SCAMP1: variants seen among roughly 807,000 people sequenced by gnomAD.
The protein encoded by SCAMP1 is secretory carrier membrane protein 1, also known as secretory carrier-associated membrane protein 1.
Under a neutral mutation model 41.8 loss-of-function variants are expected in SCAMP1, and 15 were observed. The ratio of observed to expected loss-of-function variants is 0.36; its 90% CI spans 0.24 to 0.55. The LOEUF (loss-of-function observed/expected upper bound fraction) is 0.55. SCAMP1 is among the 20% of genes least tolerant of loss of function. The probability of loss-of-function intolerance (pLI) is 0.86; values close to 1 mark genes in which losing one functional copy is unlikely to be tolerated. For synonymous variants in SCAMP1, 135 were observed against 136.8 expected (o/e 0.99, Z 0.09); for missense variants, 341 against 412.6 (o/e 0.83, Z 1.50).
intron 6 of SCAMP1, among the ~76,000 whole-genome samples, chr5:78,443,677 T>G (rs1015405416): frequency 6.9e-6 from 1 of 144,374 alleles, no homozygotes; most frequent in African/African-American, 2.7e-5. Context: ...TTTTTTTTTT[T>G]GAGATAGGAT....
intron 6 of SCAMP1, among the ~76,000 whole-genome samples, chr5:78,422,678 T>C (rs936648142): frequency 3.7e-4 from 56 of 152,200 alleles, no homozygotes; most frequent in African/African-American, 1.4e-3. Context: ...CTAGTATGAT[T>C]TGTGCCTTAT....
At chr5:78,432,094 T>G (rs1038251245) in intron 6 of SCAMP1, among the ~76,000 whole-genome samples, 2 of 152,074 alleles carry the variant, frequency 1.3e-5, no homozygotes, top group Admixed American at 1.3e-4. Context: ...ATTAACCATC[T>G]CTACCTCTCC....
At chr5:78,429,137 C>T (rs1253010569) in intron 6 of SCAMP1, among the ~76,000 whole-genome samples, 1 of 152,008 alleles carries the variant, frequency 6.6e-6, no homozygotes, top group Non-Finnish European at 1.5e-5. Context: ...ATCCACCTTC[C>T]TTTTTTCCTC....
At chr5:78,420,643 G>GGTTGA (rs1476643981) in intron 5 of SCAMP1, among the ~76,000 whole-genome samples, 2 of 152,108 alleles carry the variant, frequency 1.3e-5, no homozygotes, top group Non-Finnish European at 2.9e-5. Flanking sequence ...AGCTTACAGA[G>GGTTGA]GTTGAGTGAT....
chr5:78,373,943 A>G (rs1369415207), intron 1 of SCAMP1, among the ~76,000 whole-genome samples: 1 of 152,148 alleles, frequency 6.6e-6, no homozygotes, highest in Non-Finnish European at 1.5e-5. Context: ...CTTTATGGTT[A>G]TTTAAAATTT....
At chr5:78,368,237 G>A (rs1750847972) in intron 1 of SCAMP1, among the ~76,000 whole-genome samples, 1 of 152,138 alleles carries the variant, frequency 6.6e-6, no homozygotes, top group Non-Finnish European at 1.5e-5. Flanking sequence ...GAAAACTTTT[G>A]TCTAGGTTGA....
chr5:78,468,052 C>G (rs1294184513), intron 8 of SCAMP1, among the ~76,000 whole-genome samples: 1 of 152,092 alleles, frequency 6.6e-6, no homozygotes, highest in Non-Finnish European at 1.5e-5. Flanking sequence ...GGTAAATGTG[C>G]TCTGTCCTAT....
At chr5:78,399,536 G>A (rs891215413) in intron 2 of SCAMP1, among the ~76,000 whole-genome samples, 2 of 152,150 alleles carry the variant, frequency 1.3e-5, no homozygotes, top group African/African-American at 4.8e-5. Flanking sequence ...TGGTGTCATT[G>A]TTTTAGTTTG....
chr5:78,453,537 T>C (rs1054972592), intron 7 of SCAMP1, among the ~76,000 whole-genome samples: 165 of 151,898 alleles, frequency 1.1e-3, no homozygotes, highest in African/African-American at 3.9e-3. Context: ...TCTGTTCCAT[T>C]GATCTATATC....
intron 1 of SCAMP1, among the ~76,000 whole-genome samples, chr5:78,384,881 C>G (rs1362355379): frequency 7.2e-5 from 11 of 152,022 alleles, no homozygotes; most frequent in Non-Finnish European, 2.9e-5. Context: ...TTTTGCATCT[C>G]TGTTCATCAG....
At chr5:78,387,666 T>G (rs4703756) in intron 1 of SCAMP1, among the ~76,000 whole-genome samples, 2 of 152,060 alleles carry the variant, frequency 1.3e-5, no homozygotes, top group Non-Finnish European at 2.9e-5. Flanking sequence ...GATGTGGTGC[T>G]CCTCCCTTTC....
chr5:78,457,362 T>C lies in SCAMP1; in HGVS notation c.735-1883T>C, dbSNP rs1453424464. On this transcript the variant is annotated intron_variant, in intron 7 of 8. Transcript: ENST00000621999. ...TGATGGTGATGTACAGATGGGTTTTTGGTGTGGATGTCCTTTCTGTTTGTT... is the reference window on the plus strand; with the variant it reads ...TGATGGTGATGTACAGATGGGTTTTCGGTGTGGATGTCCTTTCTGTTTGTT... Among the ~76,000 whole-genome samples the C allele has an allele frequency of 6.6e-5, 10 of 152,174 alleles. No homozygotes were observed. In the East Asian group the frequency reaches 1.2e-3, roughly 18 times the overall value.
At chr5:78,422,590 T>G (rs1445778672) in intron 6 of SCAMP1, among the ~76,000 whole-genome samples, 1 of 152,206 alleles carries the variant, frequency 6.6e-6, no homozygotes, top group Non-Finnish European at 1.5e-5. Context: ...GCTCATAAGC[T>G]TAGTAAATTT....
At chr5:78,381,984 T>C (rs201155834) in intron 1 of SCAMP1, among the ~76,000 whole-genome samples, 1 of 152,342 alleles carries the variant, frequency 6.6e-6, no homozygotes, top group East Asian at 1.9e-4. Flanking sequence ...AAGAATAGCT[T>C]TGCATTTTTG....
At chr5:78,367,628 C>T (rs1750831219) in intron 1 of SCAMP1, among the ~76,000 whole-genome samples, 1 of 152,166 alleles carries the variant, frequency 6.6e-6, no homozygotes, top group South Asian at 2.1e-4. Context: ...ACAAGTTCAG[C>T]CTAGATTTTA....
chr5:78,436,297 C>CCATGTCCTGAAT (rs1430205601), intron 6 of SCAMP1, among the ~76,000 whole-genome samples: 2 of 152,122 alleles, frequency 1.3e-5, no homozygotes, highest in Admixed American at 1.3e-4. Context: ...AAATCCTTGC[C>CCATGTCCTGAAT]CATGCCTATG....
chr5:78,385,470 T>A (rs971858611), intron 1 of SCAMP1, among the ~76,000 whole-genome samples: 1 of 152,166 alleles, frequency 6.6e-6, no homozygotes, highest in Admixed American at 6.5e-5. Flanking sequence ...CTTGGTTACT[T>A]CTTTTCTTCT....
intron 2 of SCAMP1, among the ~76,000 whole-genome samples, chr5:78,390,545 C>G (rs1289467255): frequency 1.3e-5 from 2 of 152,156 alleles, no homozygotes; most frequent in African/African-American, 4.8e-5. Context: ...GAAGAGCTGG[C>G]AAATTATATT....
At chr5:78,368,792 G>C (rs1169606878) in intron 1 of SCAMP1, among the ~76,000 whole-genome samples, 1 of 152,100 alleles carries the variant, frequency 6.6e-6, no homozygotes, top group East Asian at 1.9e-4. Flanking sequence ...GCTCCCATCA[G>C]ATACTTAAAG....
Sources: gnomAD v4.1 joint callset for allele counts (sites outside exome capture counted in the v4.1 genomes callset) on GRCh38, gnomAD v4.1.1 for gene constraint, MANE v1.5 for transcripts, NCBI Gene and HGNC (gene_info 2026-07-23, HGNC 2026-07-21) for gene names.